Variants in RICTOR observed in about 807,000 individuals in gnomAD.
The protein encoded by RICTOR is rapamycin-insensitive companion of mTOR.
In RICTOR, 49 loss-of-function variants were observed where a neutral mutation model predicts 214.9. That is an observed-to-expected ratio of 0.23 (90% CI 0.18 to 0.29). The LOEUF (loss-of-function observed/expected upper bound fraction) is 0.29. Ranked by LOEUF, RICTOR falls within the 10% of genes least tolerant of loss-of-function variation. The pLI, the probability that RICTOR is intolerant of heterozygous loss-of-function variation, is 1.00. For missense variants in RICTOR, 1,625 were observed against 2,047.0 expected (o/e 0.79, Z 3.98); for synonymous variants, 717 against 711.3 (o/e 1.01, Z -0.13).
At chr5:39,014,205 T>C (rs1026931373) in intron 3 of RICTOR, among the ~76,000 whole-genome samples, 6 of 152,264 alleles carry the variant, frequency 3.9e-5, no homozygotes, top group East Asian at 1.9e-4. Flanking sequence ...TCCTTTACCA[T>C]ACCCTGTGTA....
chr5:38,959,514 T>C (rs993213718), intron 21 of RICTOR, among the ~76,000 whole-genome samples, 193 bp from the exon 22 acceptor site: 3 of 152,202 alleles, frequency 2.0e-5, no homozygotes, highest in African/African-American at 4.8e-5. Flanking sequence ...TCAATCATCA[T>C]ACATAGTTAC....
chr5:38,958,577 T>A, intron 23 of RICTOR, 58 bp from the exon 24 acceptor site: 1 of 1,532,754 alleles, frequency 6.5e-7, no homozygotes, highest in Non-Finnish European at 9.0e-7. Context: ...AATTTTTAGT[T>A]CCAAAATGCC....
At chr5:39,013,382 A>C (rs1580100270) in intron 3 of RICTOR, among the ~76,000 whole-genome samples, 1 of 152,238 alleles carries the variant, frequency 6.6e-6, no homozygotes, top group East Asian at 1.9e-4. Flanking sequence ...ATTTGTTATA[A>C]TAAATCTACA....
chr5:38,953,103 G>A lies in RICTOR; in HGVS notation c.2791-12C>T, dbSNP rs1160119972. 2.6e-6 allele frequency: 4 copies of A among 1,532,184 alleles called. No homozygotes were observed. Among genetic ancestry groups the A allele is most frequent in the Non-Finnish European group, 3.6e-6 (4 of 1,108,488 alleles). 94.9% of individuals were successfully genotyped at this position (1,532,184 alleles called of 1,614,324 possible). A position where few individuals can be genotyped will look rare whatever the true frequency, so the allele number is the denominator to read the frequency against. On this transcript the variant is annotated splice_polypyrimidine_tract_variant and intron_variant, in intron 28 of 37. Coordinates refer to ENST00000357387, the MANE Select transcript of RICTOR (RefSeq NM_152756.5). ...GAGCCGATATTTCCCTGAAAGAAAA[G>A]AAATCACTTACATCAAATATAAGAG...
intron 7 of RICTOR, among the ~76,000 whole-genome samples, chr5:38,988,093 G>C (rs1181974319): frequency 1.3e-5 from 2 of 151,982 alleles, no homozygotes; most frequent in East Asian, 3.9e-4. Context: ...CTGTTCTTTT[G>C]CATTTGCTGA....
At chr5:38,968,995 C>T (rs1278381109) in intron 11 of RICTOR, among the ~76,000 whole-genome samples, 5 of 128,824 alleles carry the variant, frequency 3.9e-5, no homozygotes, top group African/African-American at 1.5e-4. Context: ...TTTTTTGAGG[C>T]AGTCTCGCTC....
intron 2 of RICTOR, among the ~76,000 whole-genome samples, chr5:39,058,492 C>T (rs939823867): frequency 1.3e-5 from 2 of 152,044 alleles, no homozygotes; most frequent in African/African-American, 4.8e-5. Flanking sequence ...TTTATGACTT[C>T]CGTCTATGTA....
chr5:38,971,896 A>G lies in RICTOR; in HGVS notation c.953T>C (p.Ile318Thr). Reference protein sequence around the residue: ...GIQSLIGVLCIPNMEIRRGLL... With the variant: ...GIQSLIGVLCTPNMEIRRGLL... ...ACCTACCCTTATTTCCATATTTGGT[A>G]TGCAAAGTACTCCTATTAGAGACTG... The change falls in exon 11 of 38, where the codon ATA (isoleucine) becomes ACA (threonine). Residue 318 changes from isoleucine (I) to threonine (T), a missense_variant. Physicochemically the swap from Ile to Thr is moderately conservative, Grantham distance 89 (BLOSUM62 -1). Around this residue, in one of 5 missense-constraint regions of RICTOR, gnomAD observed 258 missense variants for 393.7 expected, o/e 0.66. Transcript: ENST00000357387. 1 of 1,432,714 alleles carries G rather than the reference A, an allele frequency of 7.0e-7. No homozygotes were observed. Among genetic ancestry groups the G allele is most frequent in the Non-Finnish European group, 9.8e-7 (1 of 1,016,998 alleles). 88.8% of individuals were successfully genotyped at this position (1,432,714 alleles called of 1,614,324 possible). A position where few individuals can be genotyped will look rare whatever the true frequency, so the allele number is the denominator to read the frequency against.
chr5:39,027,228 T>C (rs1755897479), intron 2 of RICTOR, among the ~76,000 whole-genome samples: 1 of 152,176 alleles, frequency 6.6e-6, no homozygotes, highest in African/African-American at 2.4e-5. Flanking sequence ...AGATAATACA[T>C]GGCAATTCAA....
intron 8 of RICTOR, chr5:38,981,537 C>T (rs914444531): frequency 4.9e-5 from 9 of 184,244 alleles, no homozygotes; most frequent in Admixed American, 1.2e-4. Context: ...GCTATTCACA[C>T]ACAATGTACT....
intron 2 of RICTOR, among the ~76,000 whole-genome samples, chr5:39,064,184 T>C (rs1305308249): frequency 6.6e-6 from 1 of 152,218 alleles, no homozygotes; most frequent in Non-Finnish European, 1.5e-5. Flanking sequence ...ACTACATTTG[T>C]TGTATGGATA....
At chr5:39,073,684 G>A (rs895775727) in intron 2 of RICTOR, among the ~76,000 whole-genome samples, 1 of 152,164 alleles carries the variant, frequency 6.6e-6, no homozygotes, top group Non-Finnish European at 1.5e-5. Flanking sequence ...CTCCGGGGAC[G>A]GGGAGGGCAG....
At chr5:39,054,013 C>T (rs538770995) in intron 2 of RICTOR, among the ~76,000 whole-genome samples, 41 of 152,072 alleles carry the variant, frequency 2.7e-4, no homozygotes, top group African/African-American at 8.0e-4. Context: ...ACCCGGGAGG[C>T]GGAGGTTGCA....
chr5:39,049,156 T>A (rs1407390103), intron 2 of RICTOR, among the ~76,000 whole-genome samples: 1 of 152,004 alleles, frequency 6.6e-6, no homozygotes, highest in Non-Finnish European at 1.5e-5. Context: ...AACTCAACCA[T>A]CAATCACTCC....
chr5:38,949,364 G>A (rs752855130), intron 31 of RICTOR: 4 of 1,580,668 alleles, frequency 2.5e-6, no homozygotes, highest in Non-Finnish European at 3.4e-6. Context: ...ACCTGAAAAG[G>A]TTGTTTGTTA....
At chr5:39,068,265 G>C (rs1055724850) in intron 2 of RICTOR, among the ~76,000 whole-genome samples, 1 of 152,186 alleles carries the variant, frequency 6.6e-6, no homozygotes, top group Non-Finnish European at 1.5e-5. Flanking sequence ...TCAAGGAATA[G>C]CAAACATTCT....
intron 2 of RICTOR, among the ~76,000 whole-genome samples, chr5:39,040,203 A>C (rs956002858): frequency 2.6e-5 from 4 of 151,854 alleles, no homozygotes; most frequent in African/African-American, 9.7e-5. Flanking sequence ...CATTCTCAGC[A>C]AACTATTGCA....
intron 2 of RICTOR, among the ~76,000 whole-genome samples, chr5:39,030,018 A>G (rs1430077321): frequency 6.6e-6 from 1 of 152,162 alleles, no homozygotes; most frequent in Non-Finnish European, 1.5e-5. Flanking sequence ...ATTCGTTTTT[A>G]AAGTAGAAAC....
rs1400916284 is a variant in RICTOR, at chr5:38,967,342, T to C, written c.1146A>G (p.Arg382=). ...CTTTTTATTTTAAATTCTACCTGGA[T>C]CTGGCACGATGAGGAAGAATAGTTT... is the stretch of plus-strand genomic sequence containing the variant. ...EAKTILPHRA[R]SRPDLMDNYL... Residue 382 remains arginine, a synonymous_variant, in exon 13 of 38, where the codon AGA becomes AGG. Coordinates refer to ENST00000357387, the MANE Select transcript of RICTOR (RefSeq NM_152756.5). 3.7e-6 allele frequency: 6 copies of C among 1,613,088 alleles called. No individual in the cohort carries two copies. The highest frequency in any genetic ancestry group is 5.1e-6 in the Non-Finnish European group (6 of 1,179,342).
Sources: gnomAD v4.1 joint callset for allele counts (sites outside exome capture counted in the v4.1 genomes callset) on GRCh38, gnomAD v4.1.1 for gene constraint, gnomAD v4.1.1 regional missense constraint, MANE v1.5 for transcripts, NCBI Gene and HGNC (gene_info 2026-07-23, HGNC 2026-07-21) for gene names.